Variants in VWA8 observed in about 807,000 individuals in gnomAD.
VWA8 encodes the protein von Willebrand factor A domain-containing protein 8.
VWA8 carries 221 observed loss-of-function variants against 241.5 expected under a neutral mutation model. The observed-to-expected ratio is 0.91, with a 90% CI of 0.82 to 1.02. The LOEUF is 1.02. Ranked by LOEUF, VWA8 falls within the 50% of genes least tolerant of loss-of-function variation. The probability of loss-of-function intolerance (pLI) is 0.00; values close to 1 mark genes in which losing one functional copy is unlikely to be tolerated. For missense variants in VWA8, 2,322 were observed against 2,328.7 expected (o/e 1.00, Z 0.06); for synonymous variants, 852 against 827.1 (o/e 1.03, Z -0.52).
At chr13:41,755,057 T>C (rs748118798) in intron 21 of VWA8, among the ~76,000 whole-genome samples, 116 of 152,286 alleles carry the variant, frequency 7.6e-4, no homozygotes, top group Middle Eastern at 3.4e-3. Context: ...TTGTAAATAA[T>C]GCTGCAATAA....
intron 20 of VWA8, among the ~76,000 whole-genome samples, chr13:41,768,732 T>C (rs1488887731): frequency 1.3e-5 from 2 of 152,314 alleles, no homozygotes; most frequent in East Asian, 3.9e-4. Flanking sequence ...ATTGGTATAA[T>C]TCTGAATAAA....
At chr13:41,590,882 T>A (rs938874803) in intron 40 of VWA8, 117 bp from the exon 41 acceptor site, 12 of 1,298,578 alleles carry the variant, frequency 9.2e-6, no homozygotes, top group Non-Finnish European at 1.3e-5. Context: ...GTGATGGTTC[T>A]GCATGAACAC....
intron 37 of VWA8, among the ~76,000 whole-genome samples, chr13:41,622,888 G>A (rs546321293): frequency 1.3e-5 from 2 of 152,328 alleles, no homozygotes; most frequent in African/African-American, 4.8e-5. Flanking sequence ...GGACAACACA[G>A]CTGGAGACTA....
Position 41,910,844 on chromosome 13 carries a change from G to A in VWA8, c.372+1194C>T, listed in dbSNP as rs538031068. Among the ~76,000 whole-genome samples the A allele has an allele frequency of 5.3e-5, 8 of 151,966 alleles. No homozygotes were observed. The South Asian group carries it at 1.0e-3, about 20-fold the overall frequency. ...ATTTTTGAAGTACCAAAGAAGATTC[G>A]CCACTGAAATAAAAGAGTGTACAAG... On this transcript the variant is annotated intron_variant, in intron 3 of 44. Coordinates refer to ENST00000379310, the MANE Select transcript of VWA8 (RefSeq NM_015058.2).
chr13:41,880,319 C>T (rs1304652631), intron 9 of VWA8, among the ~76,000 whole-genome samples: 1 of 152,018 alleles, frequency 6.6e-6, no homozygotes, highest in Non-Finnish European at 1.5e-5. Context: ...TATCAGTTAT[C>T]TTTATCTGAA....
chr13:41,830,860 T>C (rs563148662), intron 13 of VWA8, among the ~76,000 whole-genome samples: 1 of 151,904 alleles, frequency 6.6e-6, no homozygotes, highest in African/African-American at 2.4e-5. Context: ...AAATATTTGA[T>C]AGGGATATGA....
At chr13:41,683,406 A>G (rs561014121) in intron 35 of VWA8, among the ~76,000 whole-genome samples, 5 of 152,180 alleles carry the variant, frequency 3.3e-5, no homozygotes, top group Admixed American at 6.6e-5. Flanking sequence ...AGGCAAATCT[A>G]TAAGAAAAGA....
chr13:41,955,791 CT>C (rs1371630516), intron 1 of VWA8: 1 of 152,174 alleles, frequency 6.6e-6, no homozygotes, highest in Non-Finnish European at 1.5e-5. Context: ...TAGGAGTATA[CT>C]TTGGTAACAA....
At chr13:41,874,077 C>A (rs1873778355) in intron 9 of VWA8, among the ~76,000 whole-genome samples, 1 of 151,762 alleles carries the variant, frequency 6.6e-6, no homozygotes, top group African/African-American at 2.4e-5. Flanking sequence ...GAGCCAAAGA[C>A]AAAAACCACA....
chr13:41,758,398 G>GTATATATATATATA (rs1236188354), intron 21 of VWA8, among the ~76,000 whole-genome samples: 4 of 25,002 alleles, frequency 1.6e-4, no homozygotes, highest in African/African-American at 4.1e-4. Flanking sequence ...ATATACGCTA[G>GTATATATATATATA]TATATATATA....
chr13:41,798,935 G>A (rs1869826000), intron 17 of VWA8, among the ~76,000 whole-genome samples: 1 of 151,982 alleles, frequency 6.6e-6, no homozygotes, highest in African/African-American at 2.4e-5. Context: ...TTTGTTTGAT[G>A]GTTTGCCCAT....
At chr13:41,690,405 G>T in intron 32 of VWA8, 130 bp from the exon 33 acceptor site, 1 of 696,176 alleles carries the variant, frequency 1.4e-6, no homozygotes, top group Non-Finnish European at 2.3e-6. Context: ...CAGTTTTAGA[G>T]TTTCATCATG....
chr13:41,886,793 A>G lies in VWA8; in HGVS notation c.854T>C (p.Val285Ala). Residue 285 changes from valine (V) to alanine (A), a missense_variant, in exon 7 of 45, where the codon GTT (valine) becomes GCT (alanine). Val to Ala is a moderately conservative substitution (Grantham distance 64, BLOSUM62 0). Coordinates refer to ENST00000379310, the MANE Select transcript of VWA8 (RefSeq NM_015058.2). Reference sequence around the variant, plus strand: ...AAAATATACTTACTTCTCAGCAGAAACATTGGCTCCAATTGAATATAACAA... The same window carrying G: ...AAAATATACTTACTTCTCAGCAGAAGCATTGGCTCCAATTGAATATAACAA... The part of the protein sequence containing the change: ...LKLLYSIGAN[V>A]SAEKVSQLLS... The G allele has an allele frequency of 6.3e-7, 1 of 1,595,122 alleles. No homozygotes were observed. Among genetic ancestry groups the G allele is most frequent in the Non-Finnish European group, 8.5e-7 (1 of 1,173,906 alleles).
At chr13:41,703,238 C>T in intron 27 of VWA8, 65 bp downstream of exon 27, 1 of 1,272,570 alleles carries the variant, frequency 7.9e-7, no homozygotes, top group South Asian at 1.3e-5. Flanking sequence ...TGAATTATCT[C>T]CAGGGAAGAT....
At chr13:41,574,074 C>A (rs572020839) in intron 43 of VWA8, among the ~76,000 whole-genome samples, 4 of 151,554 alleles carry the variant, frequency 2.6e-5, no homozygotes, top group African/African-American at 9.7e-5. Context: ...ATCTTATGTG[C>A]CCCACAAGCA....
chr13:41,835,676 T>G (rs148214418), intron 12 of VWA8, among the ~76,000 whole-genome samples: 2 of 152,130 alleles, frequency 1.3e-5, no homozygotes, highest in African/African-American at 2.4e-5. Flanking sequence ...GTCATTTTTA[T>G]AGTCAAACTA....
In VWA8 at chr13:41,573,882, G is replaced by A. The variant is rs144376044; in HGVS notation, c.5370+1858C>T. Among the ~76,000 whole-genome samples, 1,061 of 152,046 alleles carry A rather than the reference G, an allele frequency of 7.0e-3. 13 individuals are homozygous for A. The highest frequency in any genetic ancestry group is 0.024 in the African/African-American group (1,006 of 41,480). ...GGTGGTCTGCCCGCCTCGGCCTCCC[G>A]GGGTGCTGGGATTGCAGGCGTGCGC... is the stretch of plus-strand genomic sequence containing the variant. On this transcript the variant is annotated intron_variant, in intron 43 of 44. Transcript: ENST00000379310.
intron 20 of VWA8, among the ~76,000 whole-genome samples, 198 bp from the exon 21 acceptor site, chr13:41,761,402 C>T (rs765250543): frequency 3.3e-5 from 5 of 151,910 alleles, no homozygotes; most frequent in Non-Finnish European, 7.4e-5. Flanking sequence ...TATTTCTAAA[C>T]GTACTAGTTC....
Position 41,567,073 on chromosome 13 carries a change from C to T in VWA8, c.*1124G>A, listed in dbSNP as rs1213654761. 4 of 152,034 alleles carry T rather than the reference C, an allele frequency of 2.6e-5. No individual in the cohort carries two copies. The highest frequency in any genetic ancestry group is 2.1e-4 in the South Asian group (1 of 4,818). 9.4% of individuals were successfully genotyped at this position (152,034 alleles called of 1,614,324 possible). ...TAACGTTTCTGATTTTGCTATCAAT[C>T]GTGAAGAGGAGTTTTTAAATTATAT... On this transcript the variant is annotated 3_prime_UTR_variant, in exon 45 of 45. Coordinates refer to ENST00000379310, the MANE Select transcript of VWA8 (RefSeq NM_015058.2).
Sources: allele counts gnomAD v4.1 joint callset (sites outside exome capture counted in the v4.1 genomes callset), GRCh38; gene constraint gnomAD v4.1.1; transcripts MANE v1.5; gene names NCBI Gene and HGNC (gene_info 2026-07-23, HGNC 2026-07-21).